Variants in NLGN1 observed in about 807,000 individuals in gnomAD.
NLGN1 encodes neuroligin-1.
Under a neutral mutation model 65.5 loss-of-function variants are expected in NLGN1, and 12 were observed. The observed-to-expected ratio is 0.18, with a 90% CI of 0.12 to 0.30. The LOEUF (loss-of-function observed/expected upper bound fraction) is 0.30. Among genes scored for constraint, NLGN1 ranks in the 10% least tolerant of loss-of-function variants. The pLI, the probability that NLGN1 is intolerant of heterozygous loss-of-function variation, is 1.00. For missense variants in NLGN1, 750 were observed against 1,007.1 expected, an observed-to-expected ratio of 0.74 and a Z score of 3.46; for synonymous variants, 350 against 359.5, an observed-to-expected ratio of 0.97 and a Z score of 0.30.
intron 4 of NLGN1, among the ~76,000 whole-genome samples, chr3:174,257,601 T>G (rs199945610): frequency 1.3e-5 from 2 of 152,068 alleles, no homozygotes; most frequent in East Asian, 3.8e-4. Context: ...AGTTATGTCC[T>G]TTGCAGGACA....
intron 4 of NLGN1, among the ~76,000 whole-genome samples, chr3:174,138,323 A>G (rs1358790866): frequency 3.3e-5 from 5 of 152,136 alleles, no homozygotes; most frequent in Non-Finnish European, 5.9e-5. Flanking sequence ...ATTATTTTCA[A>G]TAATGTTGTT....
intron 1 of NLGN1, among the ~76,000 whole-genome samples, chr3:173,431,771 G>A (rs6764620): frequency 0.029 from 4,368 of 152,140 alleles, 204 homozygotes; most frequent in African/African-American, 0.1. Context: ...TGTTGGTGTA[G>A]TACAGTCAGT....
At chr3:173,685,713 C>G in intron 3 of NLGN1, 1 of 985,090 alleles carries the variant, frequency 1.0e-6, no homozygotes, top group Non-Finnish European at 1.2e-6. Flanking sequence ...GTAAATGATC[C>G]CAAGAGTACC....
chr3:173,791,363 AATTTTTCCAAGCT>A (rs1423512532), intron 3 of NLGN1, among the ~76,000 whole-genome samples: 1 of 152,082 alleles, frequency 6.6e-6, no homozygotes, highest in Non-Finnish European at 1.5e-5. Flanking sequence ...TTAATTATTT[AATTTTTCCAAGCT>A]TTAAGTATTT....
chr3:173,946,592 G>A (rs1340164629), intron 4 of NLGN1, among the ~76,000 whole-genome samples: 1 of 152,102 alleles, frequency 6.6e-6, no homozygotes, highest in Non-Finnish European at 1.5e-5. Context: ...TTTTAGTATA[G>A]ATACCTAGCC....
chr3:173,805,018 C>T (rs1375029817), intron 3 of NLGN1, among the ~76,000 whole-genome samples: 2 of 152,214 alleles, frequency 1.3e-5, no homozygotes, highest in South Asian at 2.1e-4. Flanking sequence ...GAGAGTGAAA[C>T]TCAGTCTCAA....
intron 4 of NLGN1, among the ~76,000 whole-genome samples, chr3:173,989,145 A>C (rs962120954): frequency 2.0e-5 from 3 of 152,200 alleles, no homozygotes; most frequent in African/African-American, 4.8e-5. Flanking sequence ...GGGATAAGGC[A>C]GTTGTTATCT....
intron 4 of NLGN1, among the ~76,000 whole-genome samples, chr3:174,093,847 A>T (rs1408383730): frequency 2.6e-5 from 4 of 152,182 alleles, no homozygotes; most frequent in African/African-American, 7.2e-5. Flanking sequence ...CACCTCCAAC[A>T]TATATGCATT....
chr3:173,930,058 C>A (rs1335379964), intron 4 of NLGN1, among the ~76,000 whole-genome samples: 1 of 151,572 alleles, frequency 6.6e-6, no homozygotes, highest in Non-Finnish European at 1.5e-5. Context: ...CACCTGATGG[C>A]AAAAAAACAA....
At chr3:173,870,844 A>T (rs549589795) in intron 4 of NLGN1, among the ~76,000 whole-genome samples, 1 of 152,148 alleles carries the variant, frequency 6.6e-6, no homozygotes, top group Non-Finnish European at 1.5e-5. Context: ...TGCACTTAGC[A>T]TCTTAAACTC....
chr3:173,517,635 C>T (rs1034677975), intron 2 of NLGN1, among the ~76,000 whole-genome samples: 2 of 152,058 alleles, frequency 1.3e-5, no homozygotes, highest in African/African-American at 4.8e-5. Context: ...TCTTTTCATC[C>T]TTCCATATAC....
At chr3:173,689,229 T>C (rs1360196769) in intron 3 of NLGN1, among the ~76,000 whole-genome samples, 1 of 152,152 alleles carries the variant, frequency 6.6e-6, no homozygotes, top group Non-Finnish European at 1.5e-5. Flanking sequence ...GCTTGCAGCA[T>C]GGCGAAATCA....
chr3:173,847,996 T>G (rs1161176956), intron 4 of NLGN1, among the ~76,000 whole-genome samples: 1 of 152,226 alleles, frequency 6.6e-6, no homozygotes, highest in Non-Finnish European at 1.5e-5. Context: ...TATATTCGTT[T>G]TCCCTCTTCT....
At chr3:174,086,663 T>C (rs1352325910) in intron 4 of NLGN1, among the ~76,000 whole-genome samples, 1 of 151,972 alleles carries the variant, frequency 6.6e-6, no homozygotes, top group Admixed American at 6.6e-5. Context: ...GTGAAATTTA[T>C]GGAATTTTTT....
chr3:173,705,223 A>G (rs1361297061), intron 3 of NLGN1, among the ~76,000 whole-genome samples: 1 of 152,126 alleles, frequency 6.6e-6, no homozygotes, highest in Admixed American at 6.5e-5. Context: ...AAACCTGAAG[A>G]TATGTTTGAA....
intron 4 of NLGN1, among the ~76,000 whole-genome samples, chr3:174,227,742 C>G (rs1739985238): frequency 6.6e-6 from 1 of 151,880 alleles, no homozygotes; most frequent in Non-Finnish European, 1.5e-5. Context: ...AAAAATCTTT[C>G]AAAAATGTTT....
intron 4 of NLGN1, among the ~76,000 whole-genome samples, chr3:174,035,243 C>T (rs182641245): frequency 6.6e-6 from 1 of 152,198 alleles, no homozygotes; most frequent in East Asian, 1.9e-4. Context: ...CTTTTGTTAA[C>T]TAAATTACAT....
chr3:173,883,802 A>T (rs1003103281), intron 4 of NLGN1, among the ~76,000 whole-genome samples: 1 of 149,858 alleles, frequency 6.7e-6, no homozygotes, highest in African/African-American at 2.4e-5. Context: ...GTTTTGATTA[A>T]AGGGAAACTT....
chr3:173,754,396 A>G (rs1490507886), intron 3 of NLGN1, among the ~76,000 whole-genome samples: 1 of 152,128 alleles, frequency 6.6e-6, no homozygotes, highest in Non-Finnish European at 1.5e-5. Flanking sequence ...TAACTGTACT[A>G]CATGAAATTG....
Sources: allele counts gnomAD v4.1 joint callset (sites outside exome capture counted in the v4.1 genomes callset), GRCh38; gene constraint gnomAD v4.1.1; transcripts MANE v1.5; gene names NCBI Gene and HGNC (gene_info 2026-07-23, HGNC 2026-07-21).